SLC12A4: variants seen among roughly 807,000 people sequenced by gnomAD.
The protein encoded by SLC12A4 is electroneutral potassium-chloride cotransporter 1.
Under a neutral mutation model 119.2 loss-of-function variants are expected in SLC12A4, and 84 were observed. That is an observed-to-expected ratio of 0.70 (90% CI 0.59 to 0.85). The LOEUF is 0.85. Ranked by LOEUF, SLC12A4 falls within the 40% of genes least tolerant of loss-of-function variation. SLC12A4 has a pLI of 0.00. For missense variants in SLC12A4, 1,298 were observed against 1,476.3 expected, an observed-to-expected ratio of 0.88 and a Z score of 1.98; for synonymous variants, 599 against 604.6, an observed-to-expected ratio of 0.99 and a Z score of 0.14.
At chr16:67,968,369 G>A in intron 1 of SLC12A4, 70 bp downstream of exon 1, 3 of 1,375,190 alleles carry the variant, frequency 2.2e-6, no homozygotes, top group Non-Finnish European at 2.9e-6. Flanking sequence ...GTGCGGGCGC[G>A]GGCCCGGGAT....
intron 1 of SLC12A4, among the ~76,000 whole-genome samples, chr16:67,967,085 T>C (rs1193772235): frequency 6.6e-6 from 1 of 152,132 alleles, no homozygotes. Context: ...TGAATCAAGC[T>C]AGGGGCAGAC....
chr16:67,950,796 C>A lies in SLC12A4; in HGVS notation c.1397-85G>T. 1 of 1,525,084 alleles carries A rather than the reference C, an allele frequency of 6.6e-7. No individual in the cohort carries two copies. 94.5% of individuals were successfully genotyped at this position (1,525,084 alleles called of 1,614,324 possible). A position where few individuals can be genotyped will look rare whatever the true frequency, so the allele number is the denominator to read the frequency against. ...CGTGCCCCCACCCCAGCCAGACTAC[C>A]AGGACACCTACAGCTGGGAGTCTCG... On this transcript the variant is annotated intron_variant, in intron 10 of 23. Transcript: ENST00000316341. This position sits in a 1 kb window ranked among gnomAD's most constrained non-coding sequence, Gnocchi z 4.3.
chr16:67,961,798 C>A, intron 2 of SLC12A4, 92 bp from the exon 3 acceptor site: 1 of 1,537,330 alleles, frequency 6.5e-7, no homozygotes, highest in East Asian at 2.3e-5. Context: ...CTGTTCCAAG[C>A]CCTGAGACAG....
rs772149357 is a variant in SLC12A4, at chr16:67,943,878, G to A, written c.*962C>T. Reference sequence around the variant, plus strand: ...GGGCAGAAGGGCTTTGGCCAGGTCAGCTGCCAGGGGCTGGGGCCCAGGCTC... The same window carrying A: ...GGGCAGAAGGGCTTTGGCCAGGTCAACTGCCAGGGGCTGGGGCCCAGGCTC... On this transcript the variant is annotated 3_prime_UTR_variant, in exon 24 of 24. Coordinates refer to ENST00000316341, the MANE Select transcript of SLC12A4 (RefSeq NM_005072.5). This position sits in a 1 kb window ranked among gnomAD's most constrained non-coding sequence, Gnocchi z 4.6. 2.8e-6 allele frequency: 4 copies of A among 1,416,422 alleles called. No individual in the cohort carries two copies. The African/African-American group carries it at 5.7e-5, about 20-fold the overall frequency. 87.7% of individuals were successfully genotyped at this position (1,416,422 alleles called of 1,614,324 possible).
Position 67,952,369 on chromosome 16 carries a change from C to A in SLC12A4, c.732G>T (p.Ser244=), listed in dbSNP as rs372226074. ...IFYPSGAHDT[S]NATLNNMRVY... The stretch of plus-strand genomic sequence containing the variant: ...CACGCATATTGTTCAAAGTGGCATT[C>A]GACGTGTCATGAGCACCCGATGGGT... Residue 244 remains serine (S), a synonymous_variant, in exon 7 of 24, where the codon TCG becomes TCT. Transcript: ENST00000316341. The A allele has an allele frequency of 6.2e-7, 1 of 1,614,112 alleles. No homozygotes were observed.
intron 7 of SLC12A4, 23 bp downstream of exon 7, chr16:67,952,159 CCA>C: frequency 6.2e-7 from 1 of 1,613,168 alleles, no homozygotes; most frequent in Non-Finnish European, 8.5e-7. Flanking sequence ...CATGCAATGC[CCA>C]GATAAATTCC....
intron 1 of SLC12A4, chr16:67,964,118 G>A (rs2030749371): frequency 3.3e-6 from 5 of 1,507,830 alleles, no homozygotes; most frequent in Non-Finnish European, 4.5e-6. Context: ...GGTGGGGCAA[G>A]CCCCAGGCCG....
intron 22 of SLC12A4, 70 bp downstream of exon 22, chr16:67,945,299 T>A: frequency 6.4e-7 from 1 of 1,568,646 alleles, no homozygotes; most frequent in East Asian, 2.2e-5. Context: ...CATCTAACAC[T>A]ACTTGTCTGC....
intron 13 of SLC12A4, among the ~76,000 whole-genome samples, chr16:67,948,652 G>A (rs1366296601): frequency 6.6e-6 from 1 of 152,194 alleles, no homozygotes; most frequent in Non-Finnish European, 1.5e-5. Flanking sequence ...CCTCCAGGAA[G>A]GCACCCGAGG....
At chr16:67,954,438 C>A (rs1007669411) in intron 6 of SLC12A4, among the ~76,000 whole-genome samples, 1 of 152,228 alleles carries the variant, frequency 6.6e-6, no homozygotes, top group Non-Finnish European at 1.5e-5. Flanking sequence ...GCAGCCAGGC[C>A]TCTGCCTTGC....
At chr16:67,966,686 C>G (rs913488091) in intron 1 of SLC12A4, 2 of 1,543,078 alleles carry the variant, frequency 1.3e-6, no homozygotes, top group Admixed American at 3.9e-5. Context: ...GGAGATAGAT[C>G]TGAGGCTCAC....
At chr16:67,955,468 G>A (rs2030201503) in intron 5 of SLC12A4, among the ~76,000 whole-genome samples, 1 of 152,232 alleles carries the variant, frequency 6.6e-6, no homozygotes, top group South Asian at 2.1e-4. Flanking sequence ...ATGCCTGTAA[G>A]CCCAGCATTT....
chr16:67,949,321 C>T lies in SLC12A4; in HGVS notation c.1748+479G>A, dbSNP rs377352157. ...AAAAAATTAGCTGGGCGTGGTGGTG[C>T]ATTTCTGTAATCCCAGCTACTCAGG... On this transcript the variant is annotated intron_variant, in intron 13 of 23. Coordinates refer to ENST00000316341, the MANE Select transcript of SLC12A4 (RefSeq NM_005072.5). The surrounding 1 kb of genome is among the most constrained non-coding windows in gnomAD (Gnocchi z 4.6). Among the ~76,000 whole-genome samples, 3 of 152,050 alleles carry T rather than the reference C, an allele frequency of 2.0e-5. No individual in the cohort carries two copies. The highest frequency in any genetic ancestry group is 3.9e-4 in the East Asian group (2 of 5,184).
At chr16:67,947,917 G>GT in intron 14 of SLC12A4, 129 bp from the exon 15 acceptor site, 4 of 1,467,846 alleles carry the variant, frequency 2.7e-6, no homozygotes, top group Non-Finnish European at 3.8e-6. Context: ...GTCACTGGGT[G>GT]TAAGACCTAG....
chr16:67,948,711 C>T (rs1802458174), intron 13 of SLC12A4, among the ~76,000 whole-genome samples: 1 of 152,178 alleles, frequency 6.6e-6, no homozygotes, highest in African/African-American at 2.4e-5. Context: ...TGCCAGGGGG[C>T]AGGGGCTCCC....
chr16:67,963,478 A>G lies in SLC12A4; in HGVS notation c.197T>C (p.Leu66Pro). 1 of 1,578,674 alleles carries G rather than the reference A, an allele frequency of 6.3e-7. No individual in the cohort carries two copies. Among genetic ancestry groups the G allele is most frequent in the Non-Finnish European group, 8.5e-7 (1 of 1,169,656 alleles). The change falls in exon 2 of 24, where the codon CTG becomes CCG. Residue 66 changes from leucine to proline, a missense_variant. By Grantham distance (98) the Leu-to-Pro change is moderately conservative. Coordinates refer to ENST00000316341, the MANE Select transcript of SLC12A4 (RefSeq NM_005072.5). Reference protein sequence around the residue: ...SRGIDYYDRNLALFEEELDIR... With the variant: ...SRGIDYYDRNPALFEEELDIR... The stretch of plus-strand genomic sequence containing the variant: ...CTCCTCAGCTACCTCAAACAGTGCC[A>G]GGTTCCTGTCATAGTAGTCAATTCC...
chr16:67,952,069 A>G, intron 7 of SLC12A4, 32 bp from the exon 8 acceptor site: 1 of 1,609,954 alleles, frequency 6.2e-7, no homozygotes, highest in Non-Finnish European at 8.5e-7. Context: ...GCACCTGCTC[A>G]GGTCAAAGCC....
In SLC12A4 at chr16:67,943,963, G is replaced by A. The variant is rs1172331185; in HGVS notation, c.*877C>T. The A allele has an allele frequency of 1.0e-5, 16 of 1,547,522 alleles. No individual in the cohort carries two copies. The highest frequency in any genetic ancestry group is 2.4e-5 in the South Asian group (2 of 83,766). On this transcript the variant is annotated 3_prime_UTR_variant, in exon 24 of 24. Coordinates refer to ENST00000316341, the MANE Select transcript of SLC12A4 (RefSeq NM_005072.5). The surrounding 1 kb of genome is among the most constrained non-coding windows in gnomAD (Gnocchi z 4.6). ...GGGGGCTTACCGAGGATGACGGGCC[G>A]TGTGTGGTTACTGAGCTCAGCCTTG...
chr16:67,952,191 C>T lies in SLC12A4; in HGVS notation c.910G>A (p.Val304Met), dbSNP rs200445347. 147 of 1,613,724 alleles carry T rather than the reference C, an allele frequency of 9.1e-5. No homozygotes were observed. The highest frequency in any genetic ancestry group is 1.1e-4 in the East Asian group (5 of 44,890). ...AATTCCTGGGTTACTTACGGAAACA[C>T]GGGAGGGTCAAATATAGACTTTATG... The part of the protein sequence containing the change: ...GGIKSIFDPP[V>M]FPVCMLGNRT... The change falls in exon 7 of 24, where the codon GTG becomes ATG. Residue 304 changes from valine (V) to methionine (M), a missense_variant. Physicochemically the swap from Val to Met is conservative, Grantham distance 21. Coordinates refer to ENST00000316341, the MANE Select transcript of SLC12A4 (RefSeq NM_005072.5).
Sources: allele counts gnomAD v4.1 joint callset (sites outside exome capture counted in the v4.1 genomes callset), GRCh38; gene constraint gnomAD v4.1.1; non-coding constraint Gnocchi (gnomAD v3.1); transcripts MANE v1.5; gene names NCBI Gene and HGNC (gene_info 2026-07-23, HGNC 2026-07-21).